Variants in ZDHHC9 observed in about 807,000 individuals in gnomAD.
ZDHHC9 encodes the protein zDHHC palmitoyltransferase 9.
In ZDHHC9, 3 loss-of-function variants were observed where a neutral mutation model predicts 26.6. The observed-to-expected ratio is 0.11, with a 90% CI of 0.05 to 0.29. The LOEUF is 0.29. Ranked by LOEUF, ZDHHC9 falls within the 10% of genes least tolerant of loss-of-function variation. ZDHHC9 has a pLI of 1.00. For synonymous variants in ZDHHC9, 111 were observed against 109.4 expected, an observed-to-expected ratio of 1.01 and a Z score of -0.09; for missense variants, 146 against 296.4, an observed-to-expected ratio of 0.49 and a Z score of 3.73.
chrX:129,819,400 C>T lies in ZDHHC9; in HGVS notation c.487+4279G>A, dbSNP rs188781270. ...TCTGATAATACAAGTAATACATGCT[C>T]ATTGTAGAAAACTTGAAAAAAATAA... On this transcript the variant is annotated intron_variant, in intron 5 of 10. Coordinates refer to ENST00000357166, the MANE Select transcript of ZDHHC9 (RefSeq NM_016032.4). Among the ~76,000 whole-genome samples, 225 of 109,207 alleles carry T rather than the reference C, an allele frequency of 2.1e-3. 1 individual carries two copies. The highest frequency in any genetic ancestry group is 3.7e-3 in the Non-Finnish European group (194 of 52,590). The allele number at this position is 109,207 out of a possible 115,157, so 94.8% of individuals were successfully genotyped here. A position where few individuals can be genotyped will look rare whatever the true frequency, so the allele number is the denominator to read the frequency against.
rs1927672867 is a variant in ZDHHC9 at position 129,812,787 on chromosome X, G to C, written c.708C>G (p.Leu236=). 3 of 1,210,982 alleles carry C rather than the reference G, an allele frequency of 2.5e-6. No individual in the cohort carries two copies. Among genetic ancestry groups the C allele is most frequent in the Non-Finnish European group, 3.4e-6 (3 of 894,697 alleles). The part of the protein sequence containing the change: ...VLEVLICFFT[L]WSVVGLTGFH... Reference sequence around the variant, plus strand: ...ATCCAGTCAGTCCCACGACGGACCAGAGTGTAAAGAAGCAAATGAGGACTT... The same window carrying C: ...ATCCAGTCAGTCCCACGACGGACCACAGTGTAAAGAAGCAAATGAGGACTT... Residue 236 remains leucine, a synonymous_variant, in exon 8 of 11, where the codon CTC becomes CTG. Coordinates refer to ENST00000357166, the MANE Select transcript of ZDHHC9 (RefSeq NM_016032.4).
chrX:129,841,960 C>T lies in ZDHHC9; in HGVS notation c.-15G>A, dbSNP rs188942635. 55 of 1,209,651 alleles carry T rather than the reference C, an allele frequency of 4.5e-5. No homozygotes were observed. In the East Asian group the frequency reaches 1.6e-3, roughly 36 times the overall value. On this transcript the variant is annotated 5_prime_UTR_variant, in exon 3 of 11. Coordinates refer to ENST00000357166, the MANE Select transcript of ZDHHC9 (RefSeq NM_016032.4). ...ATCACAGACATGATTGGAATTCCTG[C>T]TCCAAAATGGGTTTTGCGATTACAC...
rs1366112004 is a variant in ZDHHC9 at position 129,843,849 on chromosome X, A to T, written c.-357T>A. The T allele has an allele frequency of 1.8e-5, 2 of 111,858 alleles. No individual in the cohort carries two copies. The highest frequency in any genetic ancestry group is 3.8e-5 in the Non-Finnish European group (2 of 53,012). 9.2% of individuals were successfully genotyped at this position (111,858 alleles called of 1,213,427 possible). On this transcript the variant is annotated 5_prime_UTR_variant, in exon 1 of 11. Transcript: ENST00000357166. The stretch of plus-strand genomic sequence containing the variant: ...AAGGGGCCCCAGTGGTCGGGGCCCT[A>T]AACCAGCTGTGGCAACCGCCCACCA...
At position 129,814,719 on chromosome X, in the gene ZDHHC9, G is replaced by A; in HGVS notation, c.564C>T (p.Ile188=). ...KRNYRYFYLF[I]LSLSLLTIYV... ...AGATTGTGAGGAGGGAGAGAGAAAG[G>A]ATGAAGAGGTAGAAGTAGCGGTAGT... The change falls in exon 6 of 11, where the codon ATC becomes ATT. Residue 188 remains isoleucine, a synonymous_variant. Coordinates refer to ENST00000357166, the MANE Select transcript of ZDHHC9 (RefSeq NM_016032.4). 1.7e-6 allele frequency: 2 copies of A among 1,211,062 alleles called. No homozygotes were observed. Among genetic ancestry groups the A allele is most frequent in the South Asian group, 3.5e-5 (2 of 56,957 alleles).
intron 4 of ZDHHC9, among the ~76,000 whole-genome samples, chrX:129,827,805 T>TTTG (rs1569321228): frequency 1.4e-3 from 153 of 107,357 alleles, no homozygotes; most frequent in African/African-American, 4.9e-3. Context: ...AAGCAGCGTT[T>TTTG]TTTGTTTGTT....
chrX:129,827,137 T>C (rs1188830936), intron 4 of ZDHHC9, among the ~76,000 whole-genome samples: 1 of 108,130 alleles, frequency 9.2e-6, no homozygotes, highest in Non-Finnish European at 1.9e-5. Context: ...GGGGTTGCAG[T>C]GAGCTGAGAT....
intron 5 of ZDHHC9, among the ~76,000 whole-genome samples, chrX:129,822,644 T>C (rs2124115718): frequency 9.0e-6 from 1 of 110,877 alleles, no homozygotes; most frequent in African/African-American, 3.3e-5. Flanking sequence ...ATAAAATGGG[T>C]TTTGATTTAT....
intron 3 of ZDHHC9, among the ~76,000 whole-genome samples, chrX:129,831,570 G>A (rs765780489): frequency 8.9e-6 from 1 of 111,753 alleles, no homozygotes; most frequent in Non-Finnish European, 1.9e-5. Flanking sequence ...TTTGAATTAC[G>A]CTATGCCATC....
At position 129,804,248 on chromosome X, in the gene ZDHHC9, A is replaced by C. The variant is rs1927459927; in HGVS notation, c.*2122T>G. On this transcript the variant is annotated 3_prime_UTR_variant, in exon 11 of 11. Transcript: ENST00000357166. ...GTTACCTGGGGAAACCTAACAACTT[A>C]CAAATTCTCCAGGTTTGGCTTTATA... The C allele has an allele frequency of 9.0e-6, 1 of 111,031 alleles. No individual in the cohort carries two copies. The highest frequency in any genetic ancestry group is 1.9e-5 in the Non-Finnish European group (1 of 52,988). 9.2% of individuals were successfully genotyped at this position (111,031 alleles called of 1,213,427 possible). A position where few individuals can be genotyped will look rare whatever the true frequency, so the allele number is the denominator to read the frequency against.
rs1336111042 is a variant in ZDHHC9, at chrX:129,805,362, G to T, written c.*1008C>A. ...TTTTTGAGGGTACATCGGGGGAGAG[G>T]AGAGGAGAGGAGAGCCTCTCTGTGC... On this transcript the variant is annotated 3_prime_UTR_variant, in exon 11 of 11. Transcript: ENST00000357166. The T allele has an allele frequency of 9.0e-6, 1 of 110,685 alleles. No individual in the cohort carries two copies. Among genetic ancestry groups the T allele is most frequent in the African/African-American group, 3.3e-5 (1 of 30,255 alleles). 9.1% of individuals were successfully genotyped at this position (110,685 alleles called of 1,213,427 possible).
chrX:129,836,455 T>C (rs1353853644), intron 3 of ZDHHC9, among the ~76,000 whole-genome samples: 2 of 111,270 alleles, frequency 1.8e-5, no homozygotes, highest in African/African-American at 6.5e-5. Flanking sequence ...AGCTGACTTT[T>C]TGTACTTTTA....
chrX:129,825,504 A>T (rs927269051), intron 4 of ZDHHC9, among the ~76,000 whole-genome samples: 3 of 110,989 alleles, frequency 2.7e-5, no homozygotes, highest in Non-Finnish European at 5.7e-5. Context: ...CTCATTGTTA[A>T]TTTTTTTTCT....
intron 4 of ZDHHC9, among the ~76,000 whole-genome samples, chrX:129,825,993 C>G (rs182960494): frequency 6.2e-5 from 7 of 112,038 alleles, no homozygotes; most frequent in African/African-American, 2.3e-4. Flanking sequence ...TGCATGCCTG[C>G]CCATCCGCAG....
At chrX:129,835,736 T>C (rs1928245880) in intron 3 of ZDHHC9, among the ~76,000 whole-genome samples, 1 of 110,986 alleles carries the variant, frequency 9.0e-6, no homozygotes, top group Non-Finnish European at 1.9e-5. Flanking sequence ...TGAGCCGAGA[T>C]TGTGCCATTG....
At chrX:129,826,006 T>C (rs781692338) in intron 4 of ZDHHC9, among the ~76,000 whole-genome samples, 1 of 112,117 alleles carries the variant, frequency 8.9e-6, no homozygotes, top group South Asian at 3.7e-4. Context: ...ATCCGCAGCA[T>C]ATGAGAGTGC....
Position 129,806,160 on chromosome X carries a change from G to A in ZDHHC9, c.*210C>T, listed in dbSNP as rs1469162188. The A allele has an allele frequency of 2.2e-6, 1 of 462,980 alleles. No individual in the cohort carries two copies. Among genetic ancestry groups the A allele is most frequent in the Non-Finnish European group, 3.8e-6 (1 of 261,626 alleles). 38.2% of individuals were successfully genotyped at this position (462,980 alleles called of 1,213,427 possible). A position where few individuals can be genotyped will look rare whatever the true frequency, so the allele number is the denominator to read the frequency against. On this transcript the variant is annotated 3_prime_UTR_variant, in exon 11 of 11. Coordinates refer to ENST00000357166, the MANE Select transcript of ZDHHC9 (RefSeq NM_016032.4). ...GAGACCCATTTTTCCAGTTATCAGA[G>A]GTGACTGACATCTTCTGCCACTGCC...
chrX:129,830,934 T>TTTGC, intron 3 of ZDHHC9, among the ~76,000 whole-genome samples: 1 of 111,542 alleles, frequency 9.0e-6, no homozygotes, highest in Non-Finnish European at 1.9e-5. Context: ...GACTTTTGTG[T>TTTGC]TTGCTTGCTT....
chrX:129,842,155 A>T, intron 2 of ZDHHC9, 75 bp from the exon 3 acceptor site: 1 of 459,354 alleles, frequency 2.2e-6, no homozygotes, highest in Non-Finnish European at 3.7e-6. Context: ...TTTCCCAGAG[A>T]CAGAAAGTTG....
chrX:129,840,149 T>C (rs1280802501), intron 3 of ZDHHC9, among the ~76,000 whole-genome samples: 6 of 110,253 alleles, frequency 5.4e-5, no homozygotes, highest in African/African-American at 9.9e-5. Flanking sequence ...AGGGGACAAA[T>C]GGCAATACCT....
Sources: allele counts gnomAD v4.1 joint callset (sites outside exome capture counted in the v4.1 genomes callset), GRCh38; gene constraint gnomAD v4.1.1; transcripts MANE v1.5; gene names NCBI Gene and HGNC (gene_info 2026-07-23, HGNC 2026-07-21).